POGK: variants seen among roughly 807,000 people sequenced by gnomAD.
POGK encodes pogo transposable element derived with KRAB domain, also known as pogo transposable element with KRAB domain.
POGK carries 16 observed loss-of-function variants against 54.4 expected under a neutral mutation model. The observed-to-expected ratio is 0.29, with a 90% CI of 0.20 to 0.45. The LOEUF (loss-of-function observed/expected upper bound fraction) is 0.45, where lower values mean the gene tolerates loss of function less well. POGK is among the 20% of genes least tolerant of loss of function. The pLI, the probability that POGK is intolerant of heterozygous loss-of-function variation, is 1.00. For synonymous variants in POGK, 271 were observed against 302.2 expected (o/e 0.90, Z 1.07); for missense variants, 515 against 795.6 (o/e 0.65, Z 4.24).
chr1:166,850,694 G>A (rs960540732), intron 5 of POGK: 2 of 347,734 alleles, frequency 5.8e-6, no homozygotes, highest in Admixed American at 4.5e-5. Context: ...ATTCTCATAG[G>A]AGCACAAACC....
chr1:166,845,357 C>CAAA (rs11464833), intron 2 of POGK, among the ~76,000 whole-genome samples: 173 of 100,900 alleles, frequency 1.7e-3, no homozygotes, highest in East Asian at 0.01. Context: ...GACTCCATCT[C>CAAA]AAAAAAAAAA....
At chr1:166,845,017 G>A (rs1200635065) in intron 2 of POGK, among the ~76,000 whole-genome samples, 1 of 152,182 alleles carries the variant, frequency 6.6e-6, no homozygotes, top group Non-Finnish European at 1.5e-5. Flanking sequence ...TCAGGGAACT[G>A]CACACAGCTG....
chr1:166,846,577 G>A, intron 2 of POGK, 35 bp from the exon 3 acceptor site: 2 of 1,613,480 alleles, frequency 1.2e-6, no homozygotes, highest in South Asian at 1.1e-5. Flanking sequence ...GCATATGCCT[G>A]TTTGTCATTG....
At position 166,854,179 on chromosome 1, in the gene POGK, A is replaced by G. The variant is rs1434289415; in HGVS notation, c.*1609A>G. The G allele has an allele frequency of 6.6e-6, 1 of 152,616 alleles. No homozygotes were observed. Among genetic ancestry groups the G allele is most frequent in the Non-Finnish European group, 1.5e-5 (1 of 68,038 alleles). 9.5% of individuals were successfully genotyped at this position (152,616 alleles called of 1,614,324 possible). A position where few individuals can be genotyped will look rare whatever the true frequency, so the allele number is the denominator to read the frequency against. On this transcript the variant is annotated 3_prime_UTR_variant, in exon 6 of 6. Coordinates refer to ENST00000367876, the MANE Select transcript of POGK (RefSeq NM_017542.5). ...GCCAAGAAGAGTAGAAAATGGGTTCAACTCCTGTTTCGCTCCACCAACACC... is the reference window on the plus strand; with the variant it reads ...GCCAAGAAGAGTAGAAAATGGGTTCGACTCCTGTTTCGCTCCACCAACACC...
At chr1:166,841,448 G>A (rs1657509112) in intron 2 of POGK, among the ~76,000 whole-genome samples, 1 of 152,214 alleles carries the variant, frequency 6.6e-6, no homozygotes, top group Admixed American at 6.5e-5. Context: ...TTTTAAATAA[G>A]ACTCGAGTCA....
At chr1:166,843,596 G>A (rs903754480) in intron 2 of POGK, among the ~76,000 whole-genome samples, 4 of 152,278 alleles carry the variant, frequency 2.6e-5, no homozygotes, top group Middle Eastern at 3.4e-3. Flanking sequence ...ATGATTGAGT[G>A]TCCTATACAG....
intron 5 of POGK, 106 bp downstream of exon 5, chr1:166,850,529 A>G: frequency 7.7e-7 from 1 of 1,294,472 alleles, no homozygotes; most frequent in Non-Finnish European, 1.0e-6. Flanking sequence ...TAGAGCCTAC[A>G]GTGCAGTAGT....
Position 166,841,040 on chromosome 1 carries a change from C to T in POGK, c.84C>T (p.Asp28=), listed in dbSNP as rs1657484096. The change falls in exon 2 of 6, where the codon GAC becomes GAT. Residue 28 remains aspartate, a synonymous_variant. Transcript: ENST00000367876. The part of the protein sequence containing the change: ...EEEIQSRELE[D]GPADMQKVRI... ...AGATTCAGAGCCGGGAACTAGAGGA[C>T]GGCCCGGCAGACATGCAGAAAGTAC... 7 of 1,613,978 alleles carry T rather than the reference C, an allele frequency of 4.3e-6. No homozygotes were observed. The highest frequency in any genetic ancestry group is 5.9e-6 in the Non-Finnish European group (7 of 1,179,990).
intron 2 of POGK, 82 bp downstream of exon 2, chr1:166,841,170 A>T (rs1381236600): frequency 6.5e-7 from 1 of 1,541,348 alleles, no homozygotes; most frequent in Non-Finnish European, 8.7e-7. Context: ...CTCCTCAGAC[A>T]GACGTGGGAA....
rs962718573 is a variant in POGK at position 166,846,550 on chromosome 1, G to A, written c.133-62G>A. 5.9e-5 allele frequency: 95 copies of A among 1,603,904 alleles called. 1 individual carries two copies. The highest frequency in any genetic ancestry group is 4.0e-4 in the South Asian group (36 of 90,164). On this transcript the variant is annotated intron_variant, in intron 2 of 5. Transcript: ENST00000367876. ...CTGGGCTGTCTGTAAGGTCCTGTCC[G>A]CTCTGAAAGTCTGTCTGCATATGCC... is the stretch of plus-strand genomic sequence containing the variant.
intron 2 of POGK, among the ~76,000 whole-genome samples, chr1:166,841,975 T>C (rs1657534461): frequency 6.6e-6 from 1 of 151,994 alleles, no homozygotes; most frequent in African/African-American, 2.4e-5. Flanking sequence ...AGTAATGCAT[T>C]TTACCATATG....
rs1658227078 is a variant in POGK at position 166,855,056 on chromosome 1, A to C, written c.*2486A>C. ...GTGGTCATCACTTCAGGCAATGGAA[A>C]GGAAAAGTGTTTGTCCTTGGTTGAT... is the stretch of plus-strand genomic sequence containing the variant. On this transcript the variant is annotated 3_prime_UTR_variant, in exon 6 of 6. Transcript: ENST00000367876. The C allele has an allele frequency of 6.6e-6, 1 of 150,808 alleles. No individual in the cohort carries two copies. Among genetic ancestry groups the C allele is most frequent in the Non-Finnish European group, 1.5e-5 (1 of 68,042 alleles). The allele number at this position is 150,808 out of a possible 1,614,324, so 9.3% of individuals were successfully genotyped here.
intron 5 of POGK, chr1:166,850,942 T>C (rs1658040230): frequency 6.6e-6 from 1 of 152,460 alleles, no homozygotes; most frequent in South Asian, 2.1e-4. Context: ...TATTATTTGA[T>C]TTATTTGTGT....
intron 2 of POGK, among the ~76,000 whole-genome samples, chr1:166,844,666 T>A (rs1657761222): frequency 6.6e-6 from 1 of 152,228 alleles, no homozygotes; most frequent in South Asian, 2.1e-4. Context: ...AGCACATTTT[T>A]CAGTGACTAC....
intron 2 of POGK, 98 bp downstream of exon 2, chr1:166,841,186 A>G: frequency 6.7e-7 from 1 of 1,494,712 alleles, no homozygotes; most frequent in Non-Finnish European, 9.0e-7. Flanking sequence ...GGGAAGTAAA[A>G]ATAGCCCAGC....
At chr1:166,843,089 A>G (rs1250276547) in intron 2 of POGK, among the ~76,000 whole-genome samples, 3 of 152,262 alleles carry the variant, frequency 2.0e-5, no homozygotes. Context: ...AGTAGAAAAA[A>G]TAAAAAATGT....
Position 166,850,441 on chromosome 1 carries a change from G to A in POGK, c.*14+18G>A. ...AGGGAAAGGTAACCACTCAGGAGTA[G>A]ATACTCAGTGCCTTTGCTGACATGT... is the stretch of plus-strand genomic sequence containing the variant. On this transcript the variant is annotated intron_variant, in intron 5 of 5. Transcript: ENST00000367876. 1 of 1,562,368 alleles carries A rather than the reference G, an allele frequency of 6.4e-7. No individual in the cohort carries two copies. Among genetic ancestry groups the A allele is most frequent in the East Asian group, 2.2e-5 (1 of 44,706 alleles).
At chr1:166,844,272 C>T (rs1327557647) in intron 2 of POGK, among the ~76,000 whole-genome samples, 2 of 152,138 alleles carry the variant, frequency 1.3e-5, no homozygotes, top group African/African-American at 4.8e-5. Flanking sequence ...TTGATGGCCC[C>T]TCTGAAATGA....
chr1:166,850,319 C>T lies in POGK; in HGVS notation c.1740C>T (p.Asp580=), dbSNP rs759998536. Residue 580 remains aspartate, a synonymous_variant, in exon 5 of 6, where the codon GAC becomes GAT. Transcript: ENST00000367876. ...TCTCCAGCAACTTGGAGGAGGAAGACGATGTCCTGTGGGAAATCGAGAGTG... is the reference window on the plus strand; with the variant it reads ...TCTCCAGCAACTTGGAGGAGGAAGATGATGTCCTGTGGGAAATCGAGAGTG... ...CHISSNLEEE[D]DVLWEIESEL... 5 of 1,610,388 alleles carry T rather than the reference C, an allele frequency of 3.1e-6. No homozygotes were observed. The highest frequency in any genetic ancestry group is 2.2e-5 in the East Asian group (1 of 44,872).
Sources: allele counts gnomAD v4.1 joint callset (sites outside exome capture counted in the v4.1 genomes callset), GRCh38; gene constraint gnomAD v4.1.1; transcripts MANE v1.5; gene names NCBI Gene and HGNC (gene_info 2026-07-23, HGNC 2026-07-21).